The following CCNY variants were observed in gnomAD, a reference collection of about 807,000 sequenced individuals.
The protein encoded by CCNY is cyclin Y.
A neutral mutation model predicts 42.8 loss-of-function variants in CCNY; 19 were observed. The observed-to-expected ratio is 0.44, with a 90% CI of 0.31 to 0.65. CCNY has a LOEUF of 0.65. Among genes scored for constraint, CCNY ranks in the 30% least tolerant of loss-of-function variants. The pLI, the probability that CCNY is intolerant of heterozygous loss-of-function variation, is 0.07. For missense variants in CCNY, 370 were observed against 437.3 expected, an observed-to-expected ratio of 0.85 and a Z score of 1.37; for synonymous variants, 165 against 162.7, an observed-to-expected ratio of 1.01 and a Z score of -0.11.
intron 4 of CCNY, among the ~76,000 whole-genome samples, chr10:35,517,730 C>T (rs544754452): frequency 1.3e-5 from 2 of 152,204 alleles, no homozygotes; most frequent in African/African-American, 2.4e-5. Context: ...TCCTCAGCAC[C>T]GGAGTGCACG....
rs146725960 is a variant in CCNY at position 35,319,977 on chromosome 10, T to C, written c.-9+69351T>C. 1.8e-4 allele frequency among the ~76,000 whole-genome samples: 28 copies of C among 152,192 alleles called. No homozygotes were observed. In the East Asian group the frequency reaches 2.9e-3, roughly 16 times the overall value. Reference sequence around the variant, plus strand: ...AAAAAGAAAAAAGAAAAAAGCCCTATATATGCTAAGGAAATTTAATTATGA... The same window carrying C: ...AAAAAGAAAAAAGAAAAAAGCCCTACATATGCTAAGGAAATTTAATTATGA... On this transcript the variant is annotated intron_variant, in intron 3 of 11. Coordinates refer to the CCNY transcript ENST00000374706.
chr10:35,416,652 A>G (rs1393196930), intron 1 of CCNY, among the ~76,000 whole-genome samples: 1 of 152,212 alleles, frequency 6.6e-6, no homozygotes, highest in Non-Finnish European at 1.5e-5. Context: ...CTTTTTTATT[A>G]TATGAAATGA....
intron 1 of CCNY, among the ~76,000 whole-genome samples, chr10:35,461,488 T>C (rs1411217759): frequency 6.6e-6 from 1 of 152,160 alleles, no homozygotes; most frequent in Non-Finnish European, 1.5e-5. Flanking sequence ...GGAGCTTGAT[T>C]AGATGTCGAG....
intron 3 of CCNY, among the ~76,000 whole-genome samples, chr10:35,310,788 C>T (rs1835674021): frequency 6.6e-6 from 1 of 152,148 alleles, no homozygotes; most frequent in Non-Finnish European, 1.5e-5. Flanking sequence ...TACATACACA[C>T]TACTATGATT....
intron 7 of CCNY, among the ~76,000 whole-genome samples, chr10:35,545,092 G>C (rs1031516593): frequency 2.0e-5 from 3 of 152,172 alleles, no homozygotes; most frequent in African/African-American, 7.2e-5. Context: ...GAAATGAGGG[G>C]CTGGGGCCTT....
rs1840587204 is a variant in CCNY, at chr10:35,523,345, C to T, written c.366-2619C>T. On this transcript the variant is annotated intron_variant, in intron 4 of 9. Transcript: ENST00000374704. ...AAGGGGGCGCAGTGGGGCAGAGATG[C>T]GTTTTTGGGGTGATTCCAGCCTCAG... is the stretch of plus-strand genomic sequence containing the variant. Among the ~76,000 whole-genome samples the T allele has an allele frequency of 3.3e-5, 5 of 152,272 alleles. No individual in the cohort carries two copies. The South Asian group carries it at 1.0e-3, about 32-fold the overall frequency.
intron 1 of CCNY, among the ~76,000 whole-genome samples, chr10:35,464,894 T>C (rs1212224115): frequency 6.6e-6 from 1 of 152,248 alleles, no homozygotes; most frequent in Non-Finnish European, 1.5e-5. Flanking sequence ...GCTTTTCAGC[T>C]GTCTGCAACA....
intron 1 of CCNY, among the ~76,000 whole-genome samples, chr10:35,427,925 C>T (rs1247847755): frequency 6.6e-6 from 1 of 152,070 alleles, no homozygotes; most frequent in Non-Finnish European, 1.5e-5. Context: ...TGGTGGGTGC[C>T]ACTTAGTCAG....
In CCNY at chr10:35,437,097, A is replaced by C. The variant is rs146164978; in HGVS notation, c.155-46307A>C. ...CTTGTGAGAACTCACTATCATGAGA[A>C]CAGTATGAGGGAAACCACCCCCACG... On this transcript the variant is annotated intron_variant, in intron 1 of 9. Coordinates refer to ENST00000374704, the MANE Select transcript of CCNY (RefSeq NM_145012.6). Among the ~76,000 whole-genome samples, 31 of 152,336 alleles carry C rather than the reference A, an allele frequency of 2.0e-4. No homozygotes were observed. In the East Asian group the frequency reaches 5.8e-3, roughly 28 times the overall value.
intron 3 of CCNY, among the ~76,000 whole-genome samples, chr10:35,512,115 T>A (rs940054639): frequency 3.9e-5 from 6 of 152,202 alleles, no homozygotes; most frequent in African/African-American, 1.4e-4. Flanking sequence ...ATAGAATCGA[T>A]AGCACTTGAT....
At chr10:35,526,229 G>T (rs1051562403) in intron 5 of CCNY, among the ~76,000 whole-genome samples, 2 of 152,158 alleles carry the variant, frequency 1.3e-5, no homozygotes, top group African/African-American at 2.4e-5. Context: ...AACAGACAAA[G>T]CTTCTCAACG....
chr10:35,308,046 A>G (rs1835634957), intron 3 of CCNY, among the ~76,000 whole-genome samples: 1 of 151,502 alleles, frequency 6.6e-6, no homozygotes, highest in African/African-American at 2.4e-5. Context: ...GGTACTCCTG[A>G]CCTCAAGTGA....
intron 1 of CCNY, among the ~76,000 whole-genome samples, chr10:35,374,896 G>A (rs1160892850): frequency 6.6e-6 from 1 of 152,174 alleles, no homozygotes; most frequent in African/African-American, 2.4e-5. Context: ...TTGTCACTAA[G>A]TGATACTATG....
intron 2 of CCNY, among the ~76,000 whole-genome samples, chr10:35,250,193 CAAAAAAAAA>C (rs71523370): frequency 7.2e-4 from 56 of 77,800 alleles, no homozygotes; most frequent in Non-Finnish European, 1.0e-3. Context: ...GACTCCATCT[CAAAAAAAAA>C]AAAAAAAAAA....
rs1308767762 is a variant in CCNY, at chr10:35,473,022, G to T, written c.155-10382G>T. ...GAAAAAAAAAGCAATATTTATTTTT[G>T]ACTCAAAAAATTATGAGTCCAGTGC... On this transcript the variant is annotated intron_variant, in intron 1 of 9. Coordinates refer to ENST00000374704, the MANE Select transcript of CCNY (RefSeq NM_145012.6). 2.6e-5 allele frequency among the ~76,000 whole-genome samples: 4 copies of T among 152,032 alleles called. No individual in the cohort carries two copies. The East Asian group carries it at 5.8e-4, about 22-fold the overall frequency.
At chr10:35,390,425 G>C (rs773854248) in intron 1 of CCNY, among the ~76,000 whole-genome samples, 1 of 152,070 alleles carries the variant, frequency 6.6e-6, no homozygotes, top group Non-Finnish European at 1.5e-5. Context: ...TGTTTATTTT[G>C]GTATTTGAAA....
At chr10:35,412,751 C>T (rs1387259097) in intron 1 of CCNY, among the ~76,000 whole-genome samples, 1 of 145,176 alleles carries the variant, frequency 6.9e-6, no homozygotes, top group Non-Finnish European at 1.5e-5. Context: ...GTCTCAGCTA[C>T]TTGGGAGGCT....
chr10:35,337,741 A>T (rs557969188), intron 1 of CCNY, among the ~76,000 whole-genome samples: 1,566 of 152,148 alleles, frequency 0.01, 14 homozygotes, highest in South Asian at 0.036. Context: ...CGTTTTTTTT[A>T]AAAAATGATT....
At chr10:35,250,193 CAA>C (rs71523370) in intron 2 of CCNY, among the ~76,000 whole-genome samples, 13 of 77,790 alleles carry the variant, frequency 1.7e-4, no homozygotes, top group Non-Finnish European at 2.0e-4. Flanking sequence ...GACTCCATCT[CAA>C]AAAAAAAAAA....
Sources: gnomAD v4.1 joint callset for allele counts (sites outside exome capture counted in the v4.1 genomes callset) on GRCh38, gnomAD v4.1.1 for gene constraint, MANE v1.5 for transcripts, NCBI Gene and HGNC (gene_info 2026-07-23, HGNC 2026-07-21) for gene names.